The following LIMCH1 variants were observed in gnomAD, a reference collection of about 807,000 sequenced individuals.
LIMCH1 encodes the protein LIM and calponin homology domains 1.
LIMCH1 carries 113 observed loss-of-function variants against 176.5 expected under a neutral mutation model. That is an observed-to-expected ratio of 0.64 (90% CI 0.55 to 0.75). The LOEUF (loss-of-function observed/expected upper bound fraction) is 0.75. Ranked by LOEUF, LIMCH1 falls within the 30% of genes least tolerant of loss-of-function variation. The pLI, the probability that LIMCH1 is intolerant of heterozygous loss-of-function variation, is 0.00. For synonymous variants in LIMCH1, 619 were observed against 645.9 expected, an observed-to-expected ratio of 0.96 and a Z score of 0.63; for missense variants, 1,674 against 1,814.9, an observed-to-expected ratio of 0.92 and a Z score of 1.41.
intron 2 of LIMCH1, among the ~76,000 whole-genome samples, chr4:41,600,375 G>C (rs990019747): frequency 2.0e-5 from 3 of 152,032 alleles, no homozygotes; most frequent in Non-Finnish European, 1.5e-5. Context: ...AGTTTCACCC[G>C]GGTGGCAAGT....
chr4:41,568,987 A>G (rs566453668), intron 1 of LIMCH1, among the ~76,000 whole-genome samples: 1 of 151,754 alleles, frequency 6.6e-6, no homozygotes, highest in African/African-American at 2.4e-5. Context: ...TAATCAAGAA[A>G]TGTCTCATAT....
intron 1 of LIMCH1, among the ~76,000 whole-genome samples, chr4:41,362,430 G>GC (rs2052266719): frequency 6.6e-6 from 1 of 152,200 alleles, no homozygotes; most frequent in African/African-American, 2.4e-5. Flanking sequence ...TACACAGGAA[G>GC]CATTTGTAGT....
In LIMCH1 at chr4:41,687,683, TA is replaced by T. The variant is rs796360321; in HGVS notation, c.4089-146del. Among the ~76,000 whole-genome samples the T allele has an allele frequency of 7.8e-3, 1,150 of 147,204 alleles. 5 individuals are homozygous for T. Among genetic ancestry groups the T allele is most frequent in the African/African-American group, 0.023 (923 of 40,524 alleles). ...AGACATTATTACTATTTTTGTTCATTAAAAAAAAAAATACTGCCAGGAAATG... is the reference window on the plus strand; with the variant it reads ...AGACATTATTACTATTTTTGTTCATTAAAAAAAAAATACTGCCAGGAAATG... On this transcript the variant is annotated intron_variant, in intron 28 of 31. Coordinates refer to ENST00000503057, the MANE Select transcript of LIMCH1 (RefSeq NM_001330672.2).
intron 1 of LIMCH1, among the ~76,000 whole-genome samples, chr4:41,444,694 C>T (rs2063093599): frequency 6.6e-6 from 1 of 152,186 alleles, no homozygotes; most frequent in African/African-American, 2.4e-5. Flanking sequence ...TCCATCAGCC[C>T]TAAAGAGGGG....
At chr4:41,512,588 T>C (rs1210780416) in intron 2 of LIMCH1, among the ~76,000 whole-genome samples, 4 of 152,210 alleles carry the variant, frequency 2.6e-5, no homozygotes, top group Middle Eastern at 3.2e-3. Flanking sequence ...GAATAAAGCA[T>C]TGATGCATGC....
chr4:41,539,766 A>G (rs1025555833), intron 1 of LIMCH1, among the ~76,000 whole-genome samples: 2 of 152,206 alleles, frequency 1.3e-5, no homozygotes, highest in Non-Finnish European at 2.9e-5. Context: ...GGATAAAGAT[A>G]TGGAAGAAGA....
chr4:41,510,323 G>C (rs984682669), intron 2 of LIMCH1, among the ~76,000 whole-genome samples: 2 of 152,220 alleles, frequency 1.3e-5, no homozygotes, highest in African/African-American at 4.8e-5. Flanking sequence ...TCATGTGGTA[G>C]ATGAGAAACT....
In LIMCH1 at chr4:41,674,715, T is replaced by C. The variant is rs534860332; in HGVS notation, c.3439-1667T>C. Among the ~76,000 whole-genome samples the C allele has an allele frequency of 3.9e-5, 6 of 152,350 alleles. No individual in the cohort carries two copies. In the South Asian group the frequency reaches 1.2e-3, roughly 32 times the overall value. On this transcript the variant is annotated intron_variant, in intron 22 of 31. Coordinates refer to ENST00000503057, the MANE Select transcript of LIMCH1 (RefSeq NM_001330672.2). ...CTCAAAACATTATGTTAGCCTGCAA[T>C]TGGGCAAAATCATCTCACACAAAGC...
chr4:41,475,672 A>G (rs1336889446), intron 1 of LIMCH1, among the ~76,000 whole-genome samples: 1 of 151,484 alleles, frequency 6.6e-6, no homozygotes, highest in Non-Finnish European at 1.5e-5. Context: ...GTGAGGACAC[A>G]TGGACACAGG....
intron 1 of LIMCH1, among the ~76,000 whole-genome samples, chr4:41,575,326 A>G (rs2084283385): frequency 6.6e-6 from 1 of 152,252 alleles, no homozygotes; most frequent in Non-Finnish European, 1.5e-5. Context: ...CTCACCGCAA[A>G]TGCAATCATT....
At chr4:41,670,900 A>T (rs2094994704) in intron 21 of LIMCH1, 2 of 1,480,414 alleles carry the variant, frequency 1.4e-6, no homozygotes, top group African/African-American at 1.4e-5. Context: ...GGAAAAAATT[A>T]TTTCTTATGC....
intron 1 of LIMCH1, among the ~76,000 whole-genome samples, chr4:41,575,142 T>C (rs921455307): frequency 6.6e-6 from 1 of 152,244 alleles, no homozygotes; most frequent in African/African-American, 2.4e-5. Context: ...AAGACTAATG[T>C]AATTATTCTG....
intron 1 of LIMCH1, among the ~76,000 whole-genome samples, chr4:41,374,631 C>T (rs763237471): frequency 3.3e-5 from 5 of 151,882 alleles, no homozygotes; most frequent in Non-Finnish European, 5.9e-5. Context: ...CCAAAACTGG[C>T]TCTAAAAAAT....
chr4:41,644,493 C>G lies in LIMCH1; in HGVS notation c.2127-7C>G, dbSNP rs996186110. ...GTCCCTCTTGTGTTCGCTCTCTCCA[C>G]ACTCAGGAGCACCAGCATGTTTGAC... is the stretch of plus-strand genomic sequence containing the variant. On this transcript the variant is annotated splice_polypyrimidine_tract_variant and splice_region_variant and intron_variant, in intron 14 of 31. Transcript: ENST00000503057. 6 of 1,548,184 alleles carry G rather than the reference C, an allele frequency of 3.9e-6. No individual in the cohort carries two copies. In the African/African-American group the frequency reaches 6.9e-5, roughly 18 times the overall value.
intron 1 of LIMCH1, chr4:41,418,700 G>A (rs1241936133): frequency 6.6e-6 from 1 of 152,178 alleles, no homozygotes; most frequent in East Asian, 1.9e-4. Context: ...CAGAATTCCA[G>A]GGCTAGTGTG....
At chr4:41,676,321 A>G (rs1371195643) in intron 22 of LIMCH1, 61 bp from the exon 23 acceptor site, 2 of 1,380,642 alleles carry the variant, frequency 1.4e-6, no homozygotes, top group East Asian at 4.7e-5. Flanking sequence ...TCTACTCTTC[A>G]CCCGGCCTGT....
chr4:41,648,333 A>C (rs2094146931), intron 17 of LIMCH1, among the ~76,000 whole-genome samples: 1 of 152,218 alleles, frequency 6.6e-6, no homozygotes, highest in Non-Finnish European at 1.5e-5. Context: ...ATTTTATGGC[A>C]GAACTTCAGC....
chr4:41,464,384 T>C (rs1171150739), intron 1 of LIMCH1, among the ~76,000 whole-genome samples: 4 of 151,022 alleles, frequency 2.6e-5, no homozygotes, highest in African/African-American at 9.7e-5. Flanking sequence ...TTTTTTTTTT[T>C]CTGAGATGGA....
intron 18 of LIMCH1, among the ~76,000 whole-genome samples, chr4:41,659,439 C>T (rs1447071440): frequency 6.6e-6 from 1 of 151,994 alleles, no homozygotes; most frequent in Non-Finnish European, 1.5e-5. Flanking sequence ...ATTGTAAAAC[C>T]TTTTAGAAAC....
Sources: gnomAD v4.1 joint callset for allele counts (sites outside exome capture counted in the v4.1 genomes callset) on GRCh38, gnomAD v4.1.1 for gene constraint, MANE v1.5 for transcripts, NCBI Gene and HGNC (gene_info 2026-07-23, HGNC 2026-07-21) for gene names.